The following ITGA1 variants were observed in gnomAD, a reference collection of about 807,000 sequenced individuals.
ITGA1 encodes the protein integrin subunit alpha 1.
A neutral mutation model predicts 145.9 loss-of-function variants in ITGA1; 85 were observed. That is an observed-to-expected ratio of 0.58 (90% CI 0.49 to 0.70). The LOEUF (loss-of-function observed/expected upper bound fraction) is 0.70, where lower values mean the gene tolerates loss of function less well. ITGA1 is among the 30% of genes least tolerant of loss of function. ITGA1 has a pLI of 0.00. For synonymous variants in ITGA1, 520 were observed against 495.3 expected, an observed-to-expected ratio of 1.05 and a Z score of -0.66; for missense variants, 1,351 against 1,418.7, an observed-to-expected ratio of 0.95 and a Z score of 0.77.
chr5:52,826,293 G>A (rs4865539), intron 1 of ITGA1, among the ~76,000 whole-genome samples: 33,570 of 152,086 alleles, frequency 0.22, 4,019 homozygotes, highest in South Asian at 0.41. Context: ...ACTCTCTTCA[G>A]TTCTATGAAG....
At chr5:52,815,809 G>T (rs1321902187) in intron 1 of ITGA1, among the ~76,000 whole-genome samples, 1 of 152,078 alleles carries the variant, frequency 6.6e-6, no homozygotes, top group Non-Finnish European at 1.5e-5. Flanking sequence ...ATAGTAGTTG[G>T]GTTGTGATGC....
intron 1 of ITGA1, among the ~76,000 whole-genome samples, chr5:52,833,709 CTATT>C (rs1049702637): frequency 2.0e-5 from 3 of 152,144 alleles, no homozygotes; most frequent in Non-Finnish European, 2.9e-5. Flanking sequence ...TTGCAAGAGT[CTATT>C]TAGGTGTAAT....
intron 6 of ITGA1, among the ~76,000 whole-genome samples, chr5:52,873,401 A>T (rs1561233443): frequency 1.3e-5 from 2 of 152,312 alleles, no homozygotes; most frequent in South Asian, 4.1e-4. Flanking sequence ...TCATTGTAGC[A>T]TCTTCCATGA....
At chr5:52,861,580 C>T (rs369034672) in intron 3 of ITGA1, 21 bp downstream of exon 3, 22 of 1,521,528 alleles carry the variant, frequency 1.4e-5, no homozygotes, top group Non-Finnish European at 1.6e-5. Flanking sequence ...TTAAAAAAAT[C>T]TGGTTTTAGG....
chr5:52,788,450 C>A, intron 1 of ITGA1, 36 bp downstream of exon 1: 2 of 1,459,052 alleles, frequency 1.4e-6, no homozygotes, highest in South Asian at 2.7e-5. Flanking sequence ...ATCTCCTGCT[C>A]GCGGGCTTGG....
intron 1 of ITGA1, among the ~76,000 whole-genome samples, chr5:52,837,758 T>TG (rs1189623147): frequency 1.3e-5 from 2 of 151,630 alleles, no homozygotes; most frequent in Non-Finnish European, 2.9e-5. Flanking sequence ...AAATAGAGTT[T>TG]GGATCGAAGG....
At chr5:52,820,097 T>G (rs78513956) in intron 1 of ITGA1, among the ~76,000 whole-genome samples, 29,760 of 151,822 alleles carry the variant, frequency 0.2, 3,032 homozygotes, top group Middle Eastern at 0.28. Context: ...CCAGCTTTGT[T>G]CTTTTGGCTT....
At chr5:52,879,840 G>A (rs1329379963) in intron 6 of ITGA1, among the ~76,000 whole-genome samples, 1 of 152,162 alleles carries the variant, frequency 6.6e-6, no homozygotes. Context: ...ATTGAGCAGA[G>A]TGCATGTTCA....
intron 1 of ITGA1, among the ~76,000 whole-genome samples, chr5:52,845,432 T>C (rs753642317): frequency 2.0e-5 from 3 of 152,070 alleles, no homozygotes; most frequent in Non-Finnish European, 4.4e-5. Flanking sequence ...CGTGGAAGCG[T>C]AGGTAGTGAT....
intron 14 of ITGA1, among the ~76,000 whole-genome samples, chr5:52,914,946 A>G (rs892891638): frequency 6.6e-6 from 1 of 152,186 alleles, no homozygotes; most frequent in Non-Finnish European, 1.5e-5. Context: ...TGTGCCCTCA[A>G]CTTTTAGGAC....
intron 1 of ITGA1, among the ~76,000 whole-genome samples, chr5:52,812,898 ATCTC>A (rs1158302693): frequency 7.5e-6 from 1 of 132,522 alleles, no homozygotes; most frequent in African/African-American, 3.2e-5. Flanking sequence ...CCTAACATAA[ATCTC>A]TCTCTACCAA....
chr5:52,808,971 A>G (rs1304885104), intron 1 of ITGA1, among the ~76,000 whole-genome samples: 1 of 151,894 alleles, frequency 6.6e-6, no homozygotes, highest in Non-Finnish European at 1.5e-5. Flanking sequence ...GGGTAGAGGA[A>G]CAAGGAACAA....
At chr5:52,881,719 C>T (rs551889816) in intron 6 of ITGA1, among the ~76,000 whole-genome samples, 154 bp from the exon 7 acceptor site, 52 of 152,308 alleles carry the variant, frequency 3.4e-4, no homozygotes, top group African/African-American at 1.2e-3. Flanking sequence ...CACAGAATGG[C>T]TATGCTTATT....
intron 20 of ITGA1, 102 bp from the exon 21 acceptor site, chr5:52,929,522 TA>T: frequency 1.5e-6 from 1 of 658,268 alleles, no homozygotes; most frequent in South Asian, 1.8e-5. Context: ...GTTTCTCAAA[TA>T]ACTTCATAAT....
At chr5:52,925,855 C>A (rs1750797772) in intron 19 of ITGA1, among the ~76,000 whole-genome samples, 1 of 152,072 alleles carries the variant, frequency 6.6e-6, no homozygotes, top group African/African-American at 2.4e-5. Flanking sequence ...AAAAAATTTA[C>A]CTGCAGGAAA....
intron 1 of ITGA1, among the ~76,000 whole-genome samples, chr5:52,807,174 T>C (rs1443262573): frequency 2.0e-5 from 3 of 152,212 alleles, no homozygotes; most frequent in Non-Finnish European, 4.4e-5. Context: ...AAACACCCAA[T>C]ACTGAGGCAA....
intron 7 of ITGA1, among the ~76,000 whole-genome samples, chr5:52,886,470 C>T (rs1750048846): frequency 6.6e-6 from 1 of 152,138 alleles, no homozygotes; most frequent in South Asian, 2.1e-4. Flanking sequence ...AAATCTATCC[C>T]AAATGGCAGC....
At chr5:52,832,401 C>G (rs1013000339) in intron 1 of ITGA1, among the ~76,000 whole-genome samples, 6 of 152,180 alleles carry the variant, frequency 3.9e-5, no homozygotes, top group Non-Finnish European at 5.9e-5. Flanking sequence ...CTTCAGAAAT[C>G]TTTGGTTGGA....
chr5:52,833,748 T>G (rs1749112420), intron 1 of ITGA1, among the ~76,000 whole-genome samples: 1 of 152,188 alleles, frequency 6.6e-6, no homozygotes, highest in Admixed American at 6.6e-5. Context: ...TTGAAGTTGT[T>G]CTGATAAATG....
Sources: gnomAD v4.1 joint callset for allele counts (sites outside exome capture counted in the v4.1 genomes callset) on GRCh38, gnomAD v4.1.1 for gene constraint, MANE v1.5 for transcripts, NCBI Gene and HGNC (gene_info 2026-07-23, HGNC 2026-07-21) for gene names.